Variants in SLC25A19 observed in about 807,000 individuals in gnomAD.
SLC25A19 encodes the protein solute carrier family 25 member 19.
In SLC25A19, 18 loss-of-function variants were observed where a neutral mutation model predicts 27.9. The observed-to-expected ratio is 0.64, with a 90% CI of 0.45 to 0.96. SLC25A19 has a LOEUF of 0.96. Ranked by LOEUF, SLC25A19 falls within the 40% of genes least tolerant of loss-of-function variation. The pLI is 0.00. For synonymous variants in SLC25A19, 169 were observed against 167.1 expected, an observed-to-expected ratio of 1.01 and a Z score of -0.09; for missense variants, 371 against 418.3, an observed-to-expected ratio of 0.89 and a Z score of 0.99.
intron 2 of SLC25A19, chr17:75,287,201 A>C: frequency 3.2e-5 from 6 of 186,104 alleles, no homozygotes; most frequent in Non-Finnish European, 6.6e-5. Flanking sequence ...ATAGCCTTGA[A>C]CTCCTGGGCT....
intron 7 of SLC25A19, among the ~76,000 whole-genome samples, chr17:75,277,075 A>C (rs1288085838): frequency 6.6e-6 from 1 of 151,566 alleles, no homozygotes; most frequent in African/African-American, 2.4e-5. Flanking sequence ...AGGGTTCAAG[A>C]CCAGCCTGGG....
intron 6 of SLC25A19, 64 bp downstream of exon 6, chr17:75,278,088 T>G: frequency 1.9e-6 from 3 of 1,564,042 alleles, no homozygotes; most frequent in Non-Finnish European, 2.6e-6. Context: ...TCCTTTGTGA[T>G]TTGGAAGGGG....
intron 4 of SLC25A19, among the ~76,000 whole-genome samples, chr17:75,285,537 G>A (rs1334000133): frequency 1.3e-5 from 2 of 152,232 alleles, no homozygotes; most frequent in East Asian, 1.9e-4. Context: ...TGACTTGGGC[G>A]GTCACTGTGA....
At chr17:75,282,359 T>C (rs2078059485) in intron 5 of SLC25A19, among the ~76,000 whole-genome samples, 1 of 151,880 alleles carries the variant, frequency 6.6e-6, no homozygotes, top group Non-Finnish European at 1.5e-5. Context: ...AAGACCAGCC[T>C]GCTAACATGG....
rs1260719563 is a variant in SLC25A19 at position 75,277,495 on chromosome 17, A to G, written c.644-12T>C. The G allele has an allele frequency of 6.2e-7, 1 of 1,613,778 alleles. No homozygotes were observed. Among genetic ancestry groups the G allele is most frequent in the South Asian group, 1.1e-5 (1 of 91,072 alleles). ...GTTTTGGAGGTTCTCTGAACCAGAG[A>G]AGTGGGATTGGGAGAATGGATGAGA... On this transcript the variant is annotated splice_polypyrimidine_tract_variant and intron_variant, in intron 6 of 7. Transcript: ENST00000416858.
At chr17:75,283,394 C>G (rs1487509823) in intron 5 of SLC25A19, 29 bp downstream of exon 5, 1 of 1,609,594 alleles carries the variant, frequency 6.2e-7, no homozygotes, top group Admixed American at 1.7e-5. Flanking sequence ...CTTATTTGGG[C>G]TTCCCCGGTC....
chr17:75,274,262 T>A (rs1390515484), intron 7 of SLC25A19, among the ~76,000 whole-genome samples: 1 of 151,960 alleles, frequency 6.6e-6, no homozygotes, highest in African/African-American at 2.4e-5. Context: ...TCCCACCTGA[T>A]CCCCCTTGGG....
intron 7 of SLC25A19, among the ~76,000 whole-genome samples, chr17:75,276,337 A>T (rs936484006): frequency 6.6e-6 from 1 of 152,194 alleles, no homozygotes; most frequent in African/African-American, 2.4e-5. Flanking sequence ...AATTCACCCA[A>T]TTCCAGAACA....
chr17:75,278,460 A>C, intron 5 of SLC25A19, 125 bp from the exon 6 acceptor site: 1 of 1,046,488 alleles, frequency 9.6e-7, no homozygotes, highest in Non-Finnish European at 1.4e-6. Context: ...CCTGCCAGGA[A>C]GACAGTCAAG....
intron 5 of SLC25A19, among the ~76,000 whole-genome samples, chr17:75,279,602 A>C (rs1464031170): frequency 7.0e-6 from 1 of 143,220 alleles, no homozygotes; most frequent in African/African-American, 2.6e-5. Context: ...CCCACCTCCC[A>C]GGTTCAAGCG....
At chr17:75,281,056 A>G (rs8064534) in intron 5 of SLC25A19, among the ~76,000 whole-genome samples, 133,954 of 151,940 alleles carry the variant, frequency 0.88, 60,988 homozygotes, top group Non-Finnish European at 1. Flanking sequence ...GTCAGGTGTG[A>G]TGGCACACAC....
chr17:75,279,888 C>G (rs2077995522), intron 5 of SLC25A19, among the ~76,000 whole-genome samples: 1 of 152,106 alleles, frequency 6.6e-6, no homozygotes, highest in Non-Finnish European at 1.5e-5. Context: ...GGCTCACTCT[C>G]CAGGCTCAAG....
intron 4 of SLC25A19, among the ~76,000 whole-genome samples, chr17:75,285,234 G>A (rs1345664086): frequency 6.6e-6 from 1 of 151,990 alleles, no homozygotes; most frequent in Non-Finnish European, 1.5e-5. Flanking sequence ...ACTATACCAG[G>A]GCTATGCTCA....
At position 75,278,149 on chromosome 17, in the gene SLC25A19, C is replaced by A; in HGVS notation, c.643+3G>T. The A allele has an allele frequency of 6.2e-7, 1 of 1,613,264 alleles. No individual in the cohort carries two copies. The highest frequency in any genetic ancestry group is 2.2e-5 in the East Asian group (1 of 44,870). On this transcript the variant is annotated splice_donor_region_variant and intron_variant, in intron 6 of 7. Coordinates refer to ENST00000416858, the MANE Select transcript of SLC25A19 (RefSeq NM_001126121.2). ...GCTCCCTCTCGTGTGAGGGCTGCCTCACCATTTTTCTTTCCTTCGGCTGGT... is the reference window on the plus strand; with the variant it reads ...GCTCCCTCTCGTGTGAGGGCTGCCTAACCATTTTTCTTTCCTTCGGCTGGT...
chr17:75,274,980 T>TTTC (rs2077838390), intron 7 of SLC25A19, among the ~76,000 whole-genome samples: 1 of 105,354 alleles, frequency 9.5e-6, no homozygotes, highest in South Asian at 3.4e-4. Context: ...GGTCTTTTTT[T>TTTC]TTTTTTTTTT....
chr17:75,275,665 C>T (rs2077864778), intron 7 of SLC25A19, among the ~76,000 whole-genome samples: 1 of 152,162 alleles, frequency 6.6e-6, no homozygotes, highest in South Asian at 2.1e-4. Context: ...ACATAAAATA[C>T]AACTTAGGCC....
At chr17:75,286,204 C>T in intron 4 of SLC25A19, 100 bp downstream of exon 4, 3 of 1,466,870 alleles carry the variant, frequency 2.0e-6, no homozygotes, top group Non-Finnish European at 2.8e-6. Context: ...CTGCCTCTTC[C>T]GTCCTGCCCT....
chr17:75,282,062 G>A, intron 5 of SLC25A19, among the ~76,000 whole-genome samples: 1 of 151,944 alleles, frequency 6.6e-6, no homozygotes, highest in East Asian at 1.9e-4. Context: ...TTGAGCTCAA[G>A]AGTTCAAGAC....
At position 75,273,433 on chromosome 17, in the gene SLC25A19, C is replaced by A. The variant is rs891223697; in HGVS notation, c.*18G>T. The stretch of plus-strand genomic sequence containing the variant: ...TCAGGAGGCTGCCTCCAGGGAAGAC[C>A]TGGGGTCCTTCCTGCACTCAGCGCT... On this transcript the variant is annotated 3_prime_UTR_variant, in exon 8 of 8. Coordinates refer to ENST00000416858, the MANE Select transcript of SLC25A19 (RefSeq NM_001126121.2). The A allele has an allele frequency of 6.2e-7, 1 of 1,612,214 alleles. No individual in the cohort carries two copies. Among genetic ancestry groups the A allele is most frequent in the African/African-American group, 1.3e-5 (1 of 74,930 alleles).
Sources: allele counts gnomAD v4.1 joint callset (sites outside exome capture counted in the v4.1 genomes callset), GRCh38; gene constraint gnomAD v4.1.1; transcripts MANE v1.5; gene names NCBI Gene and HGNC (gene_info 2026-07-23, HGNC 2026-07-21).